Variants in STPG2 observed in about 807,000 individuals in gnomAD.
STPG2 encodes sperm tail PG-rich repeat containing 2.
A neutral mutation model predicts 54.2 loss-of-function variants in STPG2; 56 were observed. The observed-to-expected ratio is 1.03, with a 90% confidence interval of 0.83 to 1.29. STPG2 has a LOEUF of 1.29. STPG2 is among the 50% of genes most tolerant of loss of function. The pLI is 0.00. For missense variants in STPG2, 596 were observed against 544.9 expected, an observed-to-expected ratio of 1.09 and a Z score of -0.93; for synonymous variants, 200 against 181.8, an observed-to-expected ratio of 1.10 and a Z score of -0.81.
At chr4:98,039,456 A>G (rs888894535) in intron 5 of STPG2, among the ~76,000 whole-genome samples, 30 of 65,516 alleles carry the variant, frequency 4.6e-4, no homozygotes, top group African/African-American at 1.8e-3. Flanking sequence ...GTACATATAC[A>G]TATTTCTTTT....
intron 10 of STPG2, among the ~76,000 whole-genome samples, chr4:97,679,775 C>A (rs1266065705): frequency 1.3e-5 from 2 of 152,130 alleles, no homozygotes; most frequent in Non-Finnish European, 2.9e-5. Flanking sequence ...ATGTTTAAGT[C>A]TTTAATCCAT....
At chr4:97,728,908 T>C (rs1161550480) in intron 9 of STPG2, among the ~76,000 whole-genome samples, 3 of 151,746 alleles carry the variant, frequency 2.0e-5, no homozygotes, top group South Asian at 4.2e-4. Context: ...CATGCATGTG[T>C]GTGTGTGAGA....
chr4:97,637,712 G>T (rs1451213110), intron 10 of STPG2, among the ~76,000 whole-genome samples: 3 of 152,072 alleles, frequency 2.0e-5, no homozygotes, highest in Admixed American at 1.3e-4. Flanking sequence ...AACAAACAGA[G>T]AGCCAAATCA....
intron 10 of STPG2, among the ~76,000 whole-genome samples, chr4:97,696,486 C>G (rs1344388119): frequency 6.6e-6 from 1 of 152,158 alleles, no homozygotes; most frequent in Non-Finnish European, 1.5e-5. Flanking sequence ...CGACTAAGAA[C>G]AGAAAAGCAA....
chr4:97,989,694 C>G (rs1178054363), intron 5 of STPG2, among the ~76,000 whole-genome samples: 1 of 152,156 alleles, frequency 6.6e-6, no homozygotes, highest in African/African-American at 2.4e-5. Flanking sequence ...GCTAGCATCA[C>G]TATTCTTGCA....
At chr4:97,835,620 T>A (rs552802805) in intron 9 of STPG2, among the ~76,000 whole-genome samples, 2 of 152,230 alleles carry the variant, frequency 1.3e-5, no homozygotes, top group Admixed American at 1.3e-4. Flanking sequence ...CAAAGACTAA[T>A]TTCAACTTTC....
chr4:97,949,863 GTGTTTTGTTTTTTGTTTTT>G (rs957675128), intron 7 of STPG2, among the ~76,000 whole-genome samples: 2 of 147,568 alleles, frequency 1.4e-5, no homozygotes, highest in African/African-American at 5.2e-5. Context: ...ATATGCCTTT[GTGTTTTGTTTTTTGTTTTT>G]TGTTTTGTTT....
intron 4 of STPG2, among the ~76,000 whole-genome samples, chr4:97,532,817 G>T (rs17026766): frequency 6.6e-6 from 1 of 152,028 alleles, no homozygotes; most frequent in African/African-American, 2.4e-5. Flanking sequence ...CACTCATAAC[G>T]TTAAAAATGA....
At chr4:98,026,754 G>T (rs1217159772) in intron 5 of STPG2, among the ~76,000 whole-genome samples, 1 of 152,108 alleles carries the variant, frequency 6.6e-6, no homozygotes, top group Non-Finnish European at 1.5e-5. Context: ...AGCGGGAGGT[G>T]ATTCTTCCAA....
At chr4:97,949,798 C>T (rs913121649) in intron 7 of STPG2, among the ~76,000 whole-genome samples, 1 of 152,142 alleles carries the variant, frequency 6.6e-6, no homozygotes, top group Non-Finnish European at 1.5e-5. Context: ...GATGCTTTTG[C>T]CTCATGGCTC....
intron 8 of STPG2, among the ~76,000 whole-genome samples, chr4:97,881,120 G>A (rs1226072547): frequency 6.6e-6 from 1 of 151,932 alleles, no homozygotes; most frequent in African/African-American, 2.4e-5. Context: ...TAGTCCCCTG[G>A]ATCTGGTAAA....
intron 9 of STPG2, among the ~76,000 whole-genome samples, chr4:97,822,564 T>C (rs1447787283): frequency 6.6e-6 from 1 of 152,186 alleles, no homozygotes; most frequent in Non-Finnish European, 1.5e-5. Context: ...TAAGACTGGG[T>C]AATACATAAA....
At chr4:97,923,497 G>C (rs13138516) in intron 8 of STPG2, among the ~76,000 whole-genome samples, 37,320 of 152,220 alleles carry the variant, frequency 0.25, 5,325 homozygotes, top group Middle Eastern at 0.36. Flanking sequence ...AGTCTAGTGG[G>C]GACTTGGAGA....
intron 8 of STPG2, among the ~76,000 whole-genome samples, chr4:97,860,467 G>GTTTTATTTTATTTTATTTTA (rs56308311): frequency 2.9e-5 from 4 of 138,698 alleles, no homozygotes; most frequent in Non-Finnish European, 4.7e-5. Context: ...ATATTCCTAA[G>GTTTTATTTTATTTTATTTTA]TTTTATTTTA....
intron 9 of STPG2, among the ~76,000 whole-genome samples, chr4:97,823,078 G>C (rs976932251): frequency 6.6e-6 from 1 of 152,220 alleles, no homozygotes; most frequent in African/African-American, 2.4e-5. Context: ...AAAATACAAG[G>C]TGAAGCAAGT....
At chr4:98,092,706 AT>A (rs1738728498) in intron 5 of STPG2, among the ~76,000 whole-genome samples, 1 of 152,066 alleles carries the variant, frequency 6.6e-6, no homozygotes, top group Admixed American at 6.5e-5. Context: ...GTAACCTAAA[AT>A]TTTATACTAA....
In STPG2 at chr4:97,450,145, G is replaced by A. The variant is rs140570906; in HGVS notation, c.463-262312C>T. On this transcript the variant is annotated intron_variant, in intron 4 of 4. Coordinates refer to the STPG2 transcript ENST00000522676. Reference sequence around the variant, plus strand: ...TAAAGAGAATTATACATATAAGTCCGATTGCTTAGAAAAATAATAAAAAAT... The same window carrying A: ...TAAAGAGAATTATACATATAAGTCCAATTGCTTAGAAAAATAATAAAAAAT... Among the ~76,000 whole-genome samples, 641 of 152,050 alleles carry A rather than the reference G, an allele frequency of 4.2e-3. 3 individuals are homozygous for A. Among genetic ancestry groups the A allele is most frequent in the South Asian group, 0.02 (98 of 4,824 alleles).
chr4:97,803,146 A>G (rs938540134), intron 9 of STPG2, among the ~76,000 whole-genome samples: 2 of 152,148 alleles, frequency 1.3e-5, no homozygotes, highest in African/African-American at 4.8e-5. Context: ...TTTGAAATCC[A>G]TTATTATTTA....
chr4:98,125,056 A>G (rs1167425081), intron 3 of STPG2, among the ~76,000 whole-genome samples: 2 of 152,066 alleles, frequency 1.3e-5, no homozygotes, highest in Non-Finnish European at 2.9e-5. Flanking sequence ...TAAACTTGTT[A>G]TTCTGGTTAG....
Sources: gnomAD v4.1 joint callset for allele counts (sites outside exome capture counted in the v4.1 genomes callset) on GRCh38, gnomAD v4.1.1 for gene constraint, MANE v1.5 for transcripts, NCBI Gene and HGNC (gene_info 2026-07-23, HGNC 2026-07-21) for gene names.